The following HYCC2 variants were observed in gnomAD, a reference collection of about 807,000 sequenced individuals.
HYCC2 encodes the protein hyccin PI4KA lipid kinase complex subunit 2.
chr2:201,022,759 C>A, the HYCC2 span: 1 of 950,590 alleles, frequency 1.1e-6, no homozygotes, highest in South Asian at 2.1e-5. Flanking sequence ...AATTATAAAA[C>A]TTAAATTTAT....
At chr2:201,059,402 G>T in the HYCC2 span, among the ~76,000 whole-genome samples, 4 of 152,102 alleles carry the variant, frequency 2.6e-5, no homozygotes, top group Non-Finnish European at 5.9e-5. Flanking sequence ...CCTGGCCCTG[G>T]TATCAGGCAT....
At chr2:201,042,166 C>T in the HYCC2 span, among the ~76,000 whole-genome samples, 3 of 152,194 alleles carry the variant, frequency 2.0e-5, no homozygotes, top group Non-Finnish European at 4.4e-5. Flanking sequence ...CCGTGTTGGC[C>T]GGGCTGGTCT....
the HYCC2 span, among the ~76,000 whole-genome samples, chr2:201,015,654 C>T: frequency 2.6e-5 from 4 of 152,006 alleles, no homozygotes; most frequent in Admixed American, 6.6e-5. Flanking sequence ...TGTTCAAAAC[C>T]CTCTAATTGC....
the HYCC2 span, chr2:201,052,055 T>C: frequency 1.3e-5 from 2 of 152,166 alleles, no homozygotes; most frequent in Non-Finnish European, 2.9e-5. Context: ...CCTAGCACTT[T>C]TGGAGGGCAA....
At chr2:201,028,216 T>G in the HYCC2 span, among the ~76,000 whole-genome samples, 2 of 152,294 alleles carry the variant, frequency 1.3e-5, no homozygotes, top group South Asian at 4.1e-4. Context: ...CCATTCACAA[T>G]TGCTTCAAAG....
At chr2:201,022,001 T>C in the HYCC2 span, 1 of 1,055,046 alleles carries the variant, frequency 9.5e-7, no homozygotes, top group South Asian at 1.3e-5. Flanking sequence ...AAGCTTTTAG[T>C]GGTAGGACAA....
chr2:201,064,750 A>T, the HYCC2 span, among the ~76,000 whole-genome samples: 10 of 152,344 alleles, frequency 6.6e-5, no homozygotes, highest in African/African-American at 2.4e-4. Context: ...AAACGATTTA[A>T]TTCTCTGGAA....
At chr2:200,992,397 TGAGC>T in the HYCC2 span, 1 of 1,362,808 alleles carries the variant, frequency 7.3e-7, no homozygotes, top group Admixed American at 1.7e-5. Context: ...TTTATACTCT[TGAGC>T]AAATATCTAA....
At chr2:201,004,197 T>C in the HYCC2 span, among the ~76,000 whole-genome samples, 1 of 152,124 alleles carries the variant, frequency 6.6e-6, no homozygotes, top group Non-Finnish European at 1.5e-5. Flanking sequence ...AAAACTGGCC[T>C]AATAAAGGGG....
chr2:200,992,323 G>T, the HYCC2 span: 2 of 1,612,192 alleles, frequency 1.2e-6, no homozygotes, highest in East Asian at 2.2e-5. Flanking sequence ...CTCTATAAAT[G>T]ATATCATCAA....
the HYCC2 span, among the ~76,000 whole-genome samples, chr2:201,061,087 A>G: frequency 1.3e-4 from 20 of 152,056 alleles, no homozygotes; most frequent in Non-Finnish European, 2.4e-4. Flanking sequence ...AAAAAAAGGA[A>G]CATTTTAATG....
chr2:201,040,402 T>C, the HYCC2 span, among the ~76,000 whole-genome samples: 6 of 152,062 alleles, frequency 3.9e-5, no homozygotes, highest in Non-Finnish European at 7.4e-5. Context: ...AAGGTGAAAA[T>C]TATGTTCTTC....
At chr2:200,988,500 C>T in the HYCC2 span, 54 of 1,010,958 alleles carry the variant, frequency 5.3e-5, no homozygotes, top group Middle Eastern at 2.2e-4. Flanking sequence ...CCATAATTTT[C>T]GAATATGTAT....
At chr2:200,991,946 G>T in the HYCC2 span, among the ~76,000 whole-genome samples, 1 of 151,874 alleles carries the variant, frequency 6.6e-6, no homozygotes, top group Non-Finnish European at 1.5e-5. Flanking sequence ...CGGGGCCGGG[G>T]GGGGAGGTGG....
the HYCC2 span, among the ~76,000 whole-genome samples, chr2:200,985,160 AT>A: frequency 1.3e-5 from 2 of 151,976 alleles, no homozygotes; most frequent in African/African-American, 2.4e-5. Flanking sequence ...GTCTCAAAAC[AT>A]TTTTCCTTTG....
At chr2:200,987,519 G>T in the HYCC2 span, 1 of 1,289,768 alleles carries the variant, frequency 7.8e-7, no homozygotes, top group Non-Finnish European at 1.0e-6. Flanking sequence ...CCTCGTTTGA[G>T]AAGTCAAAGC....
chr2:201,042,234 A>G, the HYCC2 span, among the ~76,000 whole-genome samples: 2 of 152,234 alleles, frequency 1.3e-5, no homozygotes. Flanking sequence ...CCGGGATTGC[A>G]GACGGAGTCT....
chr2:201,016,430 A>T, the HYCC2 span, among the ~76,000 whole-genome samples: 26 of 152,156 alleles, frequency 1.7e-4, no homozygotes, highest in Non-Finnish European at 2.9e-4. Context: ...CTGGGACTAC[A>T]GGCATATGCC....
At chr2:201,011,178 C>G in the HYCC2 span, among the ~76,000 whole-genome samples, 15 of 151,910 alleles carry the variant, frequency 9.9e-5, no homozygotes, top group Middle Eastern at 3.2e-3. Flanking sequence ...AAAAAAGATA[C>G]TGATAGAAGA....
Sources: allele counts gnomAD v4.1 joint callset (sites outside exome capture counted in the v4.1 genomes callset), GRCh38; gene constraint gnomAD v4.1.1; transcripts MANE v1.5; gene names NCBI Gene and HGNC (gene_info 2026-07-23, HGNC 2026-07-21).